Variants in PRPSAP2 observed in about 807,000 individuals in gnomAD.
The protein encoded by PRPSAP2 is phosphoribosyl pyrophosphate synthase-associated protein 2.
Under a neutral mutation model 40.6 loss-of-function variants are expected in PRPSAP2, and 24 were observed. The observed-to-expected ratio is 0.59, with a 90% CI of 0.43 to 0.83. PRPSAP2 has a LOEUF of 0.83. Ranked by LOEUF, PRPSAP2 falls within the 40% of genes least tolerant of loss-of-function variation. The pLI, the probability that PRPSAP2 is intolerant of heterozygous loss-of-function variation, is 0.00. For synonymous variants in PRPSAP2, 149 were observed against 164.7 expected (o/e 0.90, Z 0.73); for missense variants, 292 against 465.6 (o/e 0.63, Z 3.43).
Position 18,882,684 on chromosome 17 carries a change from G to T in PRPSAP2, c.528+1G>T. 1 of 1,546,302 alleles carries T rather than the reference G, an allele frequency of 6.5e-7. No individual in the cohort carries two copies. Among genetic ancestry groups the T allele is most frequent in the Non-Finnish European group, 8.9e-7 (1 of 1,122,288 alleles). ...CTTATTACAGTATATTCAAGAAGAG[G>T]TGAGCTAGCTCAAACTTTTTTATTT... On this transcript the variant is annotated splice_donor_variant, in intron 7 of 11. Coordinates refer to ENST00000268835, the MANE Select transcript of PRPSAP2 (RefSeq NM_002767.4). LOFTEE classifies it high-confidence loss of function.
chr17:18,892,680 G>A (rs2039622387), intron 8 of PRPSAP2, among the ~76,000 whole-genome samples: 1 of 90,006 alleles, frequency 1.1e-5, no homozygotes, highest in African/African-American at 3.6e-5. Context: ...TTCTGCCTCA[G>A]CCTGTTGAGT....
In PRPSAP2 at chr17:18,885,403, C is replaced by CACAAA. The variant is rs1555552101; in HGVS notation, c.528+2721_528+2722insCAAAA. Among the ~76,000 whole-genome samples, 30 of 10,894 alleles carry CACAAA rather than the reference C, an allele frequency of 2.8e-3. 1 individual carries two copies. The highest frequency in any genetic ancestry group is 6.8e-3 in the East Asian group (3 of 444). 7.1% of individuals were successfully genotyped at this position (10,894 alleles called of 152,430 possible). ...GGCGACAGAGTGAGATTCCTTCTCACAAAAAAAAAAAAAAAAAAAAAAAAA... is the reference window on the plus strand; with the variant it reads ...GGCGACAGAGTGAGATTCCTTCTCACACAAAAAAAAAAAAAAAAAAAAAAAAAAAA... On this transcript the variant is annotated intron_variant, in intron 7 of 11. Transcript: ENST00000268835.
At chr17:18,889,749 A>G in intron 7 of PRPSAP2, 73 bp from the exon 8 acceptor site, 1 of 1,249,984 alleles carries the variant, frequency 8.0e-7, no homozygotes, top group Non-Finnish European at 1.1e-6. Flanking sequence ...TCAACTAGCC[A>G]AGCATTTTTG....
chr17:18,874,140 A>G (rs1244413701), intron 5 of PRPSAP2, among the ~76,000 whole-genome samples: 1 of 152,074 alleles, frequency 6.6e-6, no homozygotes, highest in Non-Finnish European at 1.5e-5. Context: ...TTTGGCCTCA[A>G]GTGATCCTCC....
At chr17:18,916,350 C>T (rs2041312313) in intron 9 of PRPSAP2, among the ~76,000 whole-genome samples, 1 of 151,458 alleles carries the variant, frequency 6.6e-6, no homozygotes, top group Non-Finnish European at 1.5e-5. Context: ...GTTAAGGCTA[C>T]TATAACAAAA....
chr17:18,926,777 A>AGTGTGTGTGTGT (rs71155377), intron 10 of PRPSAP2, among the ~76,000 whole-genome samples: 2 of 148,220 alleles, frequency 1.3e-5, no homozygotes, highest in South Asian at 2.1e-4. Context: ...AGTGAGTGTG[A>AGTGTGTGTGTGT]GTGTGTGTGT....
At chr17:18,920,930 T>C (rs746649726) in intron 9 of PRPSAP2, among the ~76,000 whole-genome samples, 3 of 151,480 alleles carry the variant, frequency 2.0e-5, no homozygotes, top group Non-Finnish European at 2.9e-5. Flanking sequence ...TGTTGCTGCC[T>C]CCTTCTCCCA....
intron 4 of PRPSAP2, among the ~76,000 whole-genome samples, chr17:18,869,341 C>CT (rs545524445): frequency 0.36 from 50,987 of 140,332 alleles, 9,253 homozygotes; most frequent in Non-Finnish European, 0.39. Flanking sequence ...CTTTTCTTTT[C>CT]TTTTTTTTTT....
At chr17:18,907,423 A>G (rs550146298) in intron 8 of PRPSAP2, among the ~76,000 whole-genome samples, 1 of 152,334 alleles carries the variant, frequency 6.6e-6, no homozygotes, top group East Asian at 1.9e-4. Context: ...GATAACTGCA[A>G]GGAGAAATAG....
chr17:18,906,579 C>T (rs1269846189), intron 8 of PRPSAP2, among the ~76,000 whole-genome samples: 1 of 151,476 alleles, frequency 6.6e-6, no homozygotes, highest in Non-Finnish European at 1.5e-5. Context: ...GGTCTCAAAC[C>T]CCTGGGCTCA....
chr17:18,911,056 C>T lies in PRPSAP2; in HGVS notation c.585-47C>T. On this transcript the variant is annotated intron_variant, in intron 8 of 11. Transcript: ENST00000268835. The surrounding 1 kb of genome is among the most constrained non-coding windows in gnomAD (Gnocchi z 4.5). ...TTTTGTCCCCTAGGCATTAGCAGAA[C>T]CAAGGGCTGCATGAGTTTTGAGCTT... The T allele has an allele frequency of 1.3e-6, 2 of 1,559,548 alleles. No homozygotes were observed. Among genetic ancestry groups the T allele is most frequent in the Non-Finnish European group, 1.7e-6 (2 of 1,147,714 alleles).
At chr17:18,896,206 GAT>G (rs1331688619) in intron 8 of PRPSAP2, among the ~76,000 whole-genome samples, 12 of 152,320 alleles carry the variant, frequency 7.9e-5, no homozygotes, top group Non-Finnish European at 1.5e-4. Context: ...TTGTTTCTGT[GAT>G]ATGTTTGTTT....
At chr17:18,898,667 A>C (rs1317397966) in intron 8 of PRPSAP2, among the ~76,000 whole-genome samples, 2 of 152,140 alleles carry the variant, frequency 1.3e-5, no homozygotes, top group Non-Finnish European at 2.9e-5. Flanking sequence ...ATTATTTTTC[A>C]AGATTATTTC....
At chr17:18,873,809 A>G (rs1479673455) in intron 5 of PRPSAP2, among the ~76,000 whole-genome samples, 1 of 152,114 alleles carries the variant, frequency 6.6e-6, no homozygotes, top group Non-Finnish European at 1.5e-5. Context: ...GTTTGGTCAC[A>G]TATGTTTAAG....
In PRPSAP2 at chr17:18,862,458, A is replaced by T. The variant is rs573776345; in HGVS notation, c.-128-3011A>T. ...TTTGAAGGTTAGGGGGTGTAAAAAAAATGCCCCTCCCCCCATGGCTGTTAC... is the reference window on the plus strand; with the variant it reads ...TTTGAAGGTTAGGGGGTGTAAAAAATATGCCCCTCCCCCCATGGCTGTTAC... On this transcript the variant is annotated intron_variant, in intron 1 of 11. Coordinates refer to ENST00000268835, the MANE Select transcript of PRPSAP2 (RefSeq NM_002767.4). 1.3e-4 allele frequency among the ~76,000 whole-genome samples: 14 copies of T among 109,102 alleles called. 1 individual carries two copies. The East Asian group carries it at 3.0e-3, about 24-fold the overall frequency. 71.6% of individuals were successfully genotyped at this position (109,102 alleles called of 152,430 possible).
intron 6 of PRPSAP2, among the ~76,000 whole-genome samples, chr17:18,880,452 G>A (rs2038649484): frequency 6.6e-6 from 1 of 152,102 alleles, no homozygotes; most frequent in South Asian, 2.1e-4. Context: ...GGGCTGGGGT[G>A]CAGTGGTGTG....
chr17:18,907,209 A>T (rs954595814), intron 8 of PRPSAP2, among the ~76,000 whole-genome samples: 1 of 152,100 alleles, frequency 6.6e-6, no homozygotes, highest in African/African-American at 2.4e-5. Flanking sequence ...GGTGCTGAGG[A>T]TGGAAAAAAG....
intron 4 of PRPSAP2, among the ~76,000 whole-genome samples, chr17:18,872,294 A>G (rs2151894516): frequency 6.6e-6 from 1 of 151,472 alleles, no homozygotes; most frequent in East Asian, 1.9e-4. Context: ...AAAAAAAGTT[A>G]CCATGCTCGG....
At chr17:18,910,985 T>G (rs1432994257) in intron 8 of PRPSAP2, 118 bp from the exon 9 acceptor site, 2 of 1,233,040 alleles carry the variant, frequency 1.6e-6, no homozygotes, top group Non-Finnish European at 2.1e-6. Flanking sequence ...TTCTCTCTTT[T>G]CTTTAGTCCT....
Sources: allele counts gnomAD v4.1 joint callset (sites outside exome capture counted in the v4.1 genomes callset), GRCh38; gene constraint gnomAD v4.1.1; non-coding constraint Gnocchi (gnomAD v3.1); transcripts MANE v1.5; gene names NCBI Gene and HGNC (gene_info 2026-07-23, HGNC 2026-07-21).